The following HSPH1 variants were observed in gnomAD, a reference collection of about 807,000 sequenced individuals.
The protein encoded by HSPH1 is heat shock protein 105 kDa.
HSPH1 carries 40 observed loss-of-function variants against 100.0 expected under a neutral mutation model. The ratio of observed to expected loss-of-function variants is 0.40; its 90% confidence interval spans 0.31 to 0.52. The LOEUF (loss-of-function observed/expected upper bound fraction) is 0.52. Ranked by LOEUF, HSPH1 falls within the 20% of genes least tolerant of loss-of-function variation. The pLI is 0.54. For missense variants in HSPH1, 876 were observed against 1,015.1 expected (o/e 0.86, Z 1.86); for synonymous variants, 403 against 344.0 (o/e 1.17, Z -1.90).
intron 2 of HSPH1, among the ~76,000 whole-genome samples, chr13:31,158,497 C>T (rs1168723288): frequency 6.9e-6 from 1 of 144,230 alleles, no homozygotes; most frequent in Non-Finnish European, 1.5e-5. Context: ...TGCAGTGAGC[C>T]GAGATCGCGC....
At chr13:31,152,763 T>C in intron 5 of HSPH1, 89 bp downstream of exon 5, 1 of 886,888 alleles carries the variant, frequency 1.1e-6, no homozygotes, top group Middle Eastern at 2.6e-4. Flanking sequence ...TAACAGGCTG[T>C]GTTTCTGTAT....
At chr13:31,143,161 G>C (rs138367762) in intron 12 of HSPH1, among the ~76,000 whole-genome samples, 1 of 152,008 alleles carries the variant, frequency 6.6e-6, no homozygotes, top group African/African-American at 2.4e-5. Context: ...CAAAACATAC[G>C]GTGATTCATA....
chr13:31,155,910 T>G (rs1057027108), intron 2 of HSPH1, among the ~76,000 whole-genome samples: 5 of 152,168 alleles, frequency 3.3e-5, no homozygotes, highest in African/African-American at 1.2e-4. Flanking sequence ...ACGACAGACT[T>G]TAAAGATTTC....
At chr13:31,157,649 A>G (rs969233906) in intron 2 of HSPH1, among the ~76,000 whole-genome samples, 54 of 152,270 alleles carry the variant, frequency 3.5e-4, no homozygotes, top group African/African-American at 1.3e-3. Flanking sequence ...TATTTTCTGT[A>G]TTTAGAAAAA....
intron 1 of HSPH1, among the ~76,000 whole-genome samples, chr13:31,160,954 G>T (rs981344788): frequency 3.9e-5 from 6 of 152,222 alleles, no homozygotes; most frequent in Non-Finnish European, 8.8e-5. Context: ...CACAAGCTCT[G>T]GAAGCTTCCA....
At chr13:31,159,210 ATG>A (rs1566018468) in intron 1 of HSPH1, among the ~76,000 whole-genome samples, 1 of 152,242 alleles carries the variant, frequency 6.6e-6, no homozygotes, top group Non-Finnish European at 1.5e-5. Flanking sequence ...AAAAAATAGG[ATG>A]TGACTCTACC....
rs1955906643 is a variant in HSPH1, at chr13:31,137,120, G to GA, written c.*197dup. The GA allele has an allele frequency of 1.4e-6, 1 of 731,858 alleles. No homozygotes were observed. Among genetic ancestry groups the GA allele is most frequent in the Non-Finnish European group, 2.6e-6 (1 of 391,404 alleles). 45.3% of individuals were successfully genotyped at this position (731,858 alleles called of 1,614,324 possible). Reference sequence around the variant, plus strand: ...TGAATTCACAATTCCACAGGAATCTGAAAGTTACCAAGGCAATTTTCCCTT... The same window carrying GA: ...TGAATTCACAATTCCACAGGAATCTGAAAAGTTACCAAGGCAATTTTCCCTT... On this transcript the variant is annotated 3_prime_UTR_variant, in exon 18 of 18. Coordinates refer to ENST00000320027, the MANE Select transcript of HSPH1 (RefSeq NM_006644.4).
Position 31,161,636 on chromosome 13 carries a change from C to T in HSPH1, c.-54G>A, listed in dbSNP as rs530373716. 6.2e-7 allele frequency: 1 copy of T among 1,602,116 alleles called. No homozygotes were observed. Among genetic ancestry groups the T allele is most frequent in the Non-Finnish European group, 8.5e-7 (1 of 1,178,328 alleles). On this transcript the variant is annotated 5_prime_UTR_variant, in exon 1 of 18. Transcript: ENST00000320027. ...GGTCTCGGTCTGCGTCCTCCGGCCC[C>T]CTGCCTGCTTCTCCTGCCGCCGCTT...
intron 8 of HSPH1, among the ~76,000 whole-genome samples, chr13:31,149,065 G>C (rs766910497): frequency 8.6e-5 from 13 of 152,008 alleles, no homozygotes; most frequent in African/African-American, 3.1e-4. Context: ...TTTACTATAG[G>C]ATCCTTCAAA....
intron 9 of HSPH1, 23 bp downstream of exon 9, chr13:31,148,351 G>T: frequency 1.5e-6 from 2 of 1,345,774 alleles, no homozygotes; most frequent in Non-Finnish European, 2.1e-6. Context: ...TATAGTATCT[G>T]AATGTTATTT....
Position 31,147,990 on chromosome 13 carries a change from G to C in HSPH1, c.1347C>G (p.Pro449=), listed in dbSNP as rs756169850. 2.5e-6 allele frequency: 4 copies of C among 1,602,126 alleles called. No homozygotes were observed. In the East Asian group the frequency reaches 8.9e-5, roughly 36 times the overall value. ...TTGCTTCTGGATATGGAACTCCTTG[G>C]GGATCAGAATAGAAAGCTTCTAGCT... The part of the protein sequence containing the change: ...PFELEAFYSD[P]QGVPYPEAKI... The change falls in exon 10 of 18, where the codon CCC becomes CCG. Residue 449 remains proline (P), a synonymous_variant. Coordinates refer to ENST00000320027, the MANE Select transcript of HSPH1 (RefSeq NM_006644.4).
intron 3 of HSPH1, among the ~76,000 whole-genome samples, chr13:31,154,996 C>T (rs561465813): frequency 2.6e-5 from 4 of 152,000 alleles, no homozygotes; most frequent in East Asian, 3.9e-4. Context: ...TGAAGAGGAG[C>T]GGAAGAAAGC....
Position 31,136,447 on chromosome 13 carries a change from T to C in HSPH1, c.*871A>G, listed in dbSNP as rs1955885395. ...AAGTTTTATTCACTTTATAGTATTT[T>C]TAAAATGCTTTAATGTAATAAACAT... On this transcript the variant is annotated 3_prime_UTR_variant, in exon 18 of 18. Transcript: ENST00000320027. The C allele has an allele frequency of 6.6e-6, 1 of 152,232 alleles. No homozygotes were observed. The allele number at this position is 152,232 out of a possible 1,614,324, so 9.4% of individuals were successfully genotyped here. A position where few individuals can be genotyped will look rare whatever the true frequency, so the allele number is the denominator to read the frequency against.
In HSPH1 at chr13:31,136,476, C is replaced by A. The variant is rs1324522313; in HGVS notation, c.*842G>T. 6.6e-6 allele frequency: 1 copy of A among 152,128 alleles called. No individual in the cohort carries two copies. The highest frequency in any genetic ancestry group is 1.5e-5 in the Non-Finnish European group (1 of 68,000). The allele number at this position is 152,128 out of a possible 1,614,324, so 9.4% of individuals were successfully genotyped here. A position where few individuals can be genotyped will look rare whatever the true frequency, so the allele number is the denominator to read the frequency against. ...AATGCTTTAATGTAATAAACATATG[C>A]TATTTTTCTGTCAGGAGAAAAACAT... On this transcript the variant is annotated 3_prime_UTR_variant, in exon 18 of 18. Coordinates refer to ENST00000320027, the MANE Select transcript of HSPH1 (RefSeq NM_006644.4).
intron 5 of HSPH1, 178 bp from the exon 6 acceptor site, chr13:31,151,920 T>C (rs1324113806): frequency 1.7e-6 from 1 of 571,708 alleles, no homozygotes. Context: ...ATTATTACTC[T>C]CTTTCTGATT....
chr13:31,160,924 G>A (rs957109630), intron 1 of HSPH1, among the ~76,000 whole-genome samples: 1 of 152,222 alleles, frequency 6.6e-6, no homozygotes, highest in African/African-American at 2.4e-5. Flanking sequence ...CAATCCGCCT[G>A]CTCACTGGAC....
rs1328775839 is a variant in HSPH1 at position 31,150,239 on chromosome 13, TTGACAACCCAA to T, written c.909-68_909-58del. ...TTAAGACCAATATCCTGTCCTACTT[TTGACAACCCAA>T]TGAATTTCATTATTTTCCCCCTCAG... On this transcript the variant is annotated intron_variant, in intron 7 of 17. Transcript: ENST00000320027. The T allele has an allele frequency of 3.3e-5, 40 of 1,202,182 alleles. No individual in the cohort carries two copies. In the Admixed American group the frequency reaches 4.1e-4, roughly 12 times the overall value. The allele number at this position is 1,202,182 out of a possible 1,614,324, so 74.5% of individuals were successfully genotyped here.
intron 9 of HSPH1, 136 bp from the exon 10 acceptor site, chr13:31,148,228 T>C (rs1192555144): frequency 1.8e-6 from 2 of 1,107,846 alleles, no homozygotes; most frequent in Admixed American, 2.5e-5. Flanking sequence ...ATGAGAGAAA[T>C]ATTTTGGTAG....
chr13:31,158,958 A>G, intron 1 of HSPH1, 95 bp from the exon 2 acceptor site: 1 of 768,694 alleles, frequency 1.3e-6, no homozygotes, highest in Non-Finnish European at 2.3e-6. Context: ...CCTACCCATT[A>G]GGGGATAGGG....
Sources: gnomAD v4.1 joint callset for allele counts (sites outside exome capture counted in the v4.1 genomes callset) on GRCh38, gnomAD v4.1.1 for gene constraint, MANE v1.5 for transcripts, NCBI Gene and HGNC (gene_info 2026-07-23, HGNC 2026-07-21) for gene names.